The following ZNF793 variants were observed in gnomAD, a reference collection of about 807,000 sequenced individuals.
ZNF793 encodes the protein zinc finger protein 793.
ZNF793 carries 5 observed loss-of-function variants against 12.4 expected under a neutral mutation model. The observed-to-expected ratio is 0.40, with a 90% confidence interval of 0.21 to 0.84. ZNF793 has a LOEUF of 0.84. Ranked by LOEUF, ZNF793 falls within the 40% of genes least tolerant of loss-of-function variation. The pLI is 0.35. For synonymous variants in ZNF793, 162 were observed against 172.4 expected, an observed-to-expected ratio of 0.94 and a Z score of 0.47; for missense variants, 456 against 495.0, an observed-to-expected ratio of 0.92 and a Z score of 0.75.
At chr19:37,516,741 G>C (rs79755567) in intron 2 of ZNF793, among the ~76,000 whole-genome samples, 39 of 152,124 alleles carry the variant, frequency 2.6e-4, no homozygotes, top group African/African-American at 9.2e-4. Context: ...CCACCTCCCA[G>C]GTTCAAGCAA....
Position 37,537,585 on chromosome 19 carries a change from AC to A in ZNF793, c.930del (p.Phe311LeufsTer90). 2 of 1,614,064 alleles carry A rather than the reference AC, an allele frequency of 1.2e-6. No homozygotes were observed. The highest frequency in any genetic ancestry group is 1.7e-6 in the Non-Finnish European group (2 of 1,180,012). Reference sequence around the variant, plus strand: ...ATCAGAGAACACACACAGGAGAGAGACCCTTTGTCTGCAGTGAATGCGGGAA... The same window carrying A: ...ATCAGAGAACACACACAGGAGAGAGACCTTTGTCTGCAGTGAATGCGGGAA... ...EHQRTHTGER[P>X]FVCSECGKSF... On this transcript the variant is annotated frameshift_variant, in exon 8 of 8. Coordinates refer to ENST00000627814, the MANE Select transcript of ZNF793 (RefSeq NM_001013659.3). LOFTEE classifies it low-confidence loss of function (END_TRUNC).
At chr19:37,510,198 A>C (rs1041350745) in intron 2 of ZNF793, among the ~76,000 whole-genome samples, 3 of 151,986 alleles carry the variant, frequency 2.0e-5, no homozygotes, top group Admixed American at 1.3e-4. Flanking sequence ...CCATCATTAC[A>C]AAAAATTTAA....
chr19:37,516,103 A>G (rs999683295), intron 2 of ZNF793, among the ~76,000 whole-genome samples: 1 of 152,190 alleles, frequency 6.6e-6, no homozygotes, highest in African/African-American at 2.4e-5. Context: ...TGAAACCACA[A>G]TGGGTGGCAA....
intron 2 of ZNF793, among the ~76,000 whole-genome samples, chr19:37,511,105 C>T (rs576426411): frequency 1.7e-4 from 26 of 152,288 alleles, no homozygotes; most frequent in Non-Finnish European, 3.1e-4. Context: ...TAACCACAGC[C>T]TAGATCAAGA....
At chr19:37,524,067 T>A (rs1200440813) in intron 5 of ZNF793, among the ~76,000 whole-genome samples, 1 of 151,636 alleles carries the variant, frequency 6.6e-6, no homozygotes, top group Admixed American at 6.6e-5. Context: ...GGAGAATTGC[T>A]TGAACCTGGG....
chr19:37,521,236 C>T (rs1041538427), intron 3 of ZNF793, among the ~76,000 whole-genome samples: 1 of 152,066 alleles, frequency 6.6e-6, no homozygotes, highest in Non-Finnish European at 1.5e-5. Context: ...ATCTGCCCGC[C>T]TCGGCCTCCC....
intron 3 of ZNF793, among the ~76,000 whole-genome samples, chr19:37,521,881 A>G (rs542550423): frequency 2.0e-5 from 3 of 152,200 alleles, no homozygotes; most frequent in South Asian, 4.1e-4. Context: ...TCTATATACA[A>G]ATATATATGT....
chr19:37,524,073 C>T (rs1218905935), intron 5 of ZNF793, among the ~76,000 whole-genome samples: 1 of 151,578 alleles, frequency 6.6e-6, no homozygotes, highest in Non-Finnish European at 1.5e-5. Flanking sequence ...TTGCTTGAAC[C>T]TGGGAGGTGG....
intron 1 of ZNF793, chr19:37,507,282 A>G (rs974383634): frequency 6.6e-6 from 1 of 152,510 alleles, no homozygotes; most frequent in Non-Finnish European, 1.5e-5. Context: ...GTTCTGTGAA[A>G]TGTCTTGATT....
rs559603641 is a variant in ZNF793 at position 37,511,349 on chromosome 19, G to A, written c.-276+2946G>A. On this transcript the variant is annotated intron_variant, in intron 2 of 7. Coordinates refer to ENST00000627814, the MANE Select transcript of ZNF793 (RefSeq NM_001013659.3). ...GGCATTCATACCATGAGGTAATTTT[G>A]TTTGAAATTCTGAAACCACATGAAT... 6.6e-5 allele frequency among the ~76,000 whole-genome samples: 10 copies of A among 152,210 alleles called. No homozygotes were observed. The East Asian group carries it at 1.5e-3, about 24-fold the overall frequency.
rs374969011 is a variant in ZNF793, at chr19:37,537,258, C to T, written c.600C>T (p.Asn200=). Residue 200 remains asparagine, a synonymous_variant, in exon 8 of 8, where the codon AAC becomes AAT. Coordinates refer to ENST00000627814, the MANE Select transcript of ZNF793 (RefSeq NM_001013659.3). ...ACTGTGAGAAAGCTTTCACCCAGAA[C>T]CCGGCACTTATGTATAAACCAGCAG... ...CSHCEKAFTQ[N]PALMYKPAVS... 34 of 1,613,754 alleles carry T rather than the reference C, an allele frequency of 2.1e-5. No individual in the cohort carries two copies. The highest frequency in any genetic ancestry group is 3.3e-5 in the Admixed American group (2 of 59,998).
At chr19:37,516,261 A>G (rs1400536634) in intron 2 of ZNF793, among the ~76,000 whole-genome samples, 1 of 151,938 alleles carries the variant, frequency 6.6e-6, no homozygotes, top group Non-Finnish European at 1.5e-5. Context: ...CAGCCTCCCA[A>G]GTAGCTGGGA....
intron 2 of ZNF793, among the ~76,000 whole-genome samples, chr19:37,519,859 G>T (rs1372279256): frequency 6.6e-6 from 1 of 152,240 alleles, no homozygotes; most frequent in Non-Finnish European, 1.5e-5. Context: ...AACCCAGGTT[G>T]TCTGGCTCCC....
Position 37,532,386 on chromosome 19 carries a change from G to C in ZNF793, c.46G>C (p.Gly16Arg). The C allele has an allele frequency of 6.2e-7, 1 of 1,614,014 alleles. No individual in the cohort carries two copies. The highest frequency in any genetic ancestry group is 8.5e-7 in the Non-Finnish European group (1 of 1,179,968). The change falls in exon 6 of 8, where the codon GGC becomes CGC. Residue 16 changes from glycine (G) to arginine (R), a missense_variant. Transcript: ENST00000627814. ...IPVSFKDVVV[G>R]FTQEEWHRLS... ...TGTGTCATTCAAAGATGTGGTTGTG[G>C]GCTTCACCCAAGAGGAGTGGCACCG...
chr19:37,541,051 C>T lies in ZNF793; in HGVS notation c.*3172C>T, dbSNP rs1015239727. 6 of 151,554 alleles carry T rather than the reference C, an allele frequency of 4.0e-5. No homozygotes were observed. Among genetic ancestry groups the T allele is most frequent in the Admixed American group, 1.3e-4 (2 of 15,196 alleles). 9.4% of individuals were successfully genotyped at this position (151,554 alleles called of 1,614,324 possible). On this transcript the variant is annotated 3_prime_UTR_variant, in exon 8 of 8. Coordinates refer to ENST00000627814, the MANE Select transcript of ZNF793 (RefSeq NM_001013659.3). Reference sequence around the variant, plus strand: ...TCTAATGAAATTAATATTGTATTGGCAAAGGAACAGGTAAATACATCATTA... The same window carrying T: ...TCTAATGAAATTAATATTGTATTGGTAAAGGAACAGGTAAATACATCATTA...
At chr19:37,514,835 A>G (rs575081355) in intron 2 of ZNF793, among the ~76,000 whole-genome samples, 36 of 152,308 alleles carry the variant, frequency 2.4e-4, no homozygotes, top group African/African-American at 8.7e-4. Flanking sequence ...GTTCAATATT[A>G]AAGAATTTAC....
chr19:37,534,488 ACACT>A (rs897707418), intron 7 of ZNF793: 2 of 147,304 alleles, frequency 1.4e-5, no homozygotes, highest in Non-Finnish European at 3.0e-5. Context: ...TGCCACACAC[ACACT>A]CACACTCACA....
intron 2 of ZNF793, among the ~76,000 whole-genome samples, chr19:37,511,992 G>A (rs1038564090): frequency 1.3e-5 from 2 of 152,028 alleles, no homozygotes; most frequent in Admixed American, 1.3e-4. Context: ...AGACATAGTG[G>A]TGACTCAACA....
At position 37,542,045 on chromosome 19, in the gene ZNF793, G is replaced by T. The variant is rs2042555316; in HGVS notation, c.*4166G>T. 6.5e-6 allele frequency: 1 copy of T among 153,754 alleles called. No homozygotes were observed. The highest frequency in any genetic ancestry group is 1.9e-4 in the East Asian group (1 of 5,260). The allele number at this position is 153,754 out of a possible 1,614,324, so 9.5% of individuals were successfully genotyped here. ...AGAACAAAAGATGTTACACACTGCT[G>T]GTGGAGAAATAAATTTTGAAAAACA... On this transcript the variant is annotated 3_prime_UTR_variant, in exon 8 of 8. Transcript: ENST00000627814.
Sources: allele counts gnomAD v4.1 joint callset (sites outside exome capture counted in the v4.1 genomes callset), GRCh38; gene constraint gnomAD v4.1.1; transcripts MANE v1.5; gene names NCBI Gene and HGNC (gene_info 2026-07-23, HGNC 2026-07-21).